Variants in ARL15 observed in about 807,000 individuals in gnomAD.
ARL15 encodes ARF like GTPase 15.
ARL15 carries 19 observed loss-of-function variants against 25.2 expected under a neutral mutation model. The observed-to-expected ratio is 0.75, with a 90% CI of 0.53 to 1.10. The LOEUF (loss-of-function observed/expected upper bound fraction) is 1.10. Among genes scored for constraint, ARL15 ranks in the 50% least tolerant of loss-of-function variants. The pLI, the probability that ARL15 is intolerant of heterozygous loss-of-function variation, is 0.00. For synonymous variants in ARL15, 94 were observed against 86.8 expected, an observed-to-expected ratio of 1.08 and a Z score of -0.46; for missense variants, 220 against 246.0, an observed-to-expected ratio of 0.89 and a Z score of 0.71.
At chr5:53,951,208 G>C (rs150960145) in intron 4 of ARL15, among the ~76,000 whole-genome samples, 1 of 152,204 alleles carries the variant, frequency 6.6e-6, no homozygotes, top group Non-Finnish European at 1.5e-5. Context: ...CAGGGACTTT[G>C]AGTATGGCCT....
rs201878032 is a variant in ARL15, at chr5:54,020,274, T to TA, written c.462+92927dup. Among the ~76,000 whole-genome samples the TA allele has an allele frequency of 3.3e-5, 5 of 152,232 alleles. No individual in the cohort carries two copies. In the East Asian group the frequency reaches 9.7e-4, roughly 29 times the overall value. On this transcript the variant is annotated intron_variant, in intron 4 of 4. Transcript: ENST00000504924. ...AGGAGCAGTGTCAGCGGAGGCCTAC[T>TA]AGTTAGGACTTTCACCACCACCTTG... is the stretch of plus-strand genomic sequence containing the variant.
chr5:54,145,078 T>C (rs1484474961), intron 3 of ARL15, among the ~76,000 whole-genome samples: 1 of 152,184 alleles, frequency 6.6e-6, no homozygotes, highest in African/African-American at 2.4e-5. Context: ...TTTCTTTTCT[T>C]ACCATTTTTT....
At position 54,150,231 on chromosome 5, in the gene ARL15, C is replaced by T. The variant is rs116342060; in HGVS notation, c.253+4349G>A. Among the ~76,000 whole-genome samples the T allele has an allele frequency of 3.3e-3, 501 of 152,108 alleles. 5 individuals carry two copies. The highest frequency in any genetic ancestry group is 0.011 in the African/African-American group (455 of 41,490). On this transcript the variant is annotated intron_variant, in intron 3 of 4. Transcript: ENST00000504924. ...GAATGAATGAATTACAAAGAATAAACGAATAAAACAGTGAAATGTTTGTGG... is the reference window on the plus strand; with the variant it reads ...GAATGAATGAATTACAAAGAATAAATGAATAAAACAGTGAAATGTTTGTGG...
chr5:54,227,746 C>T (rs1166349353), intron 1 of ARL15, among the ~76,000 whole-genome samples: 8 of 152,162 alleles, frequency 5.3e-5, no homozygotes, highest in African/African-American at 1.9e-4. Flanking sequence ...ATAACTTTTC[C>T]ACATTTGAGC....
At chr5:53,918,830 TA>T (rs3839230) in intron 4 of ARL15, among the ~76,000 whole-genome samples, 17 of 149,018 alleles carry the variant, frequency 1.1e-4, no homozygotes, top group African/African-American at 1.2e-4. Flanking sequence ...AAGTTGACAG[TA>T]AAAAAAAAAG....
intron 4 of ARL15, among the ~76,000 whole-genome samples, chr5:53,982,558 GCCATGTTTTCTTTAT>G (rs948998616): frequency 1.3e-5 from 2 of 152,078 alleles, no homozygotes; most frequent in African/African-American, 4.8e-5. Context: ...GTGTCTATGT[GCCATGTTTTCTTTAT>G]CCAGTCTATC....
chr5:54,092,208 CA>C (rs1214858191), intron 4 of ARL15, among the ~76,000 whole-genome samples: 2 of 152,126 alleles, frequency 1.3e-5, no homozygotes, highest in Non-Finnish European at 2.9e-5. Context: ...GTGATGTCCA[CA>C]ATCTTTTTGG....
chr5:54,024,574 A>G (rs1021396331), intron 4 of ARL15, among the ~76,000 whole-genome samples: 1 of 152,200 alleles, frequency 6.6e-6, no homozygotes, highest in Non-Finnish European at 1.5e-5. Context: ...TCCAGGAATA[A>G]GATGTATAAT....
At chr5:54,175,660 T>TTTTTCTCTCTC (rs1754850160) in intron 1 of ARL15, among the ~76,000 whole-genome samples, 1 of 142,568 alleles carries the variant, frequency 7.0e-6, no homozygotes, top group Non-Finnish European at 1.5e-5. Flanking sequence ...TTTTCTCTCT[T>TTTTTCTCTCTC]TTTTTTTTTT....
chr5:54,131,865 T>G (rs1221671611), intron 3 of ARL15, among the ~76,000 whole-genome samples: 2 of 150,634 alleles, frequency 1.3e-5, no homozygotes, highest in Non-Finnish European at 2.9e-5. Context: ...ATCGCGCCAC[T>G]GCACTCCAGC....
intron 1 of ARL15, among the ~76,000 whole-genome samples, chr5:54,302,687 T>G (rs867808728): frequency 0.022 from 2,529 of 112,830 alleles, 83 homozygotes; most frequent in African/African-American, 0.079. Flanking sequence ...ATTAAGATTT[T>G]TTTTTTTTTT....
chr5:54,172,640 T>C (rs1184548706), intron 1 of ARL15, among the ~76,000 whole-genome samples: 1 of 152,162 alleles, frequency 6.6e-6, no homozygotes, highest in African/African-American at 2.4e-5. Flanking sequence ...ATTAACTGGC[T>C]CAGAAAAATC....
At chr5:54,198,097 C>T (rs185419492) in intron 1 of ARL15, among the ~76,000 whole-genome samples, 1 of 151,938 alleles carries the variant, frequency 6.6e-6, no homozygotes, top group African/African-American at 2.4e-5. Flanking sequence ...ATTCAACAAC[C>T]CTTCATGTTA....
intron 4 of ARL15, among the ~76,000 whole-genome samples, chr5:53,900,791 G>A (rs972345768): frequency 6.6e-6 from 1 of 152,146 alleles, no homozygotes; most frequent in Non-Finnish European, 1.5e-5. Flanking sequence ...TTTACATGAA[G>A]AGTTTCAAAA....
At chr5:54,203,810 AG>A (rs1180764637) in intron 1 of ARL15, among the ~76,000 whole-genome samples, 4 of 152,142 alleles carry the variant, frequency 2.6e-5, no homozygotes, top group South Asian at 2.1e-4. Context: ...AAGAACAAAA[AG>A]GGTTGGTTGG....
At chr5:53,941,662 C>G (rs1015063161) in intron 4 of ARL15, among the ~76,000 whole-genome samples, 5 of 152,160 alleles carry the variant, frequency 3.3e-5, no homozygotes, top group Non-Finnish European at 7.3e-5. Flanking sequence ...CACAAATTTG[C>G]CAGTCCACTT....
At chr5:54,048,505 C>T (rs57068431) in intron 4 of ARL15, among the ~76,000 whole-genome samples, 2,420 of 150,288 alleles carry the variant, frequency 0.016, 66 homozygotes, top group African/African-American at 0.055. Context: ...TGGGTTCAAG[C>T]GATTCTCCTG....
chr5:54,290,410 G>A (rs770739426), intron 1 of ARL15, among the ~76,000 whole-genome samples: 2 of 151,104 alleles, frequency 1.3e-5, no homozygotes, highest in Admixed American at 6.6e-5. Context: ...GGGTTCAAGC[G>A]ATTCTCCTGC....
chr5:54,131,408 A>G lies in ARL15; in HGVS notation c.254-17998T>C, dbSNP rs553160320. 4.6e-5 allele frequency among the ~76,000 whole-genome samples: 7 copies of G among 152,140 alleles called. No homozygotes were observed. The East Asian group carries it at 1.2e-3, about 25-fold the overall frequency. On this transcript the variant is annotated intron_variant, in intron 3 of 4. Transcript: ENST00000504924. ...GAATTTCTCCTCCTCCTGGGGATCT[A>G]CTTTTTCCCTATCTTTATATTTTCA...
Sources: gnomAD v4.1 joint callset for allele counts (sites outside exome capture counted in the v4.1 genomes callset) on GRCh38, gnomAD v4.1.1 for gene constraint, MANE v1.5 for transcripts, NCBI Gene and HGNC (gene_info 2026-07-23, HGNC 2026-07-21) for gene names.